The following SLN variants were observed in gnomAD, a reference collection of about 807,000 sequenced individuals.
SLN encodes sarcolipin.
For missense variants in SLN, 34 were observed against 37.4 expected (o/e 0.91, Z 0.24); for synonymous variants, 19 against 14.4 (o/e 1.32, Z -0.72).
At chr11:107,708,090 A>C in intron 1 of SLN, 85 bp from the exon 2 acceptor site, 1 of 631,172 alleles carries the variant, frequency 1.6e-6, no homozygotes, top group Non-Finnish European at 2.9e-6. Flanking sequence ...AAGGAAACAG[A>C]AGTGTTGTGG....
At chr11:107,710,090 G>T (rs1867196914) in intron 1 of SLN, among the ~76,000 whole-genome samples, 1 of 152,206 alleles carries the variant, frequency 6.6e-6, no homozygotes, top group Non-Finnish European at 1.5e-5. Context: ...GAACAGAACG[G>T]TAATGAGTCT....
chr11:107,708,077 T>A, intron 1 of SLN, 72 bp from the exon 2 acceptor site: 1 of 648,358 alleles, frequency 1.5e-6, no homozygotes, highest in Non-Finnish European at 2.8e-6. Flanking sequence ...CGTTCTTTCC[T>A]CAAAGGAAAC....
chr11:107,711,782 C>A (rs1300592952), intron 1 of SLN, among the ~76,000 whole-genome samples, 181 bp downstream of exon 1: 1 of 151,788 alleles, frequency 6.6e-6, no homozygotes, highest in Admixed American at 6.6e-5. Context: ...AAAATGCATA[C>A]CCTTAGGAGA....
chr11:107,711,455 C>T (rs1209877096), intron 1 of SLN, among the ~76,000 whole-genome samples: 1 of 152,152 alleles, frequency 6.6e-6, no homozygotes, highest in Non-Finnish European at 1.5e-5. Context: ...GTGGTGTGAA[C>T]ATTCCTTTCA....
Position 107,707,952 on chromosome 11 carries a change from A to G in SLN, c.-22T>C. 1 of 1,584,474 alleles carries G rather than the reference A, an allele frequency of 6.3e-7. No individual in the cohort carries two copies. The highest frequency in any genetic ancestry group is 2.2e-5 in the East Asian group (1 of 44,706). Reference sequence around the variant, plus strand: ...CCATTTTCACAGCGGCTTGGTGAGAACTGCAGGCAGATTTCTGAGGGCACA... The same window carrying G: ...CCATTTTCACAGCGGCTTGGTGAGAGCTGCAGGCAGATTTCTGAGGGCACA... On this transcript the variant is annotated 5_prime_UTR_variant, in exon 2 of 2. Coordinates refer to ENST00000305991, the MANE Select transcript of SLN (RefSeq NM_003063.3).
At chr11:107,709,526 C>A (rs1048586815) in intron 1 of SLN, among the ~76,000 whole-genome samples, 4 of 152,142 alleles carry the variant, frequency 2.6e-5, no homozygotes, top group Non-Finnish European at 5.9e-5. Context: ...ACTGAATGAT[C>A]ATTTTTCATA....
At chr11:107,708,101 A>G (rs1867175059) in intron 1 of SLN, 96 bp from the exon 2 acceptor site, 2 of 617,484 alleles carry the variant, frequency 3.2e-6, no homozygotes, top group South Asian at 4.0e-5. Flanking sequence ...AGTGTTGTGG[A>G]AAAGGAGAGT....
chr11:107,707,991 G>T lies in SLN; in HGVS notation c.-61C>A. 1 of 1,136,490 alleles carries T rather than the reference G, an allele frequency of 8.8e-7. No individual in the cohort carries two copies. The highest frequency in any genetic ancestry group is 1.3e-6 in the Non-Finnish European group (1 of 743,816). The allele number at this position is 1,136,490 out of a possible 1,614,324, so 70.4% of individuals were successfully genotyped here. ...TCTGAGGGCACACCAAGGACCTCTG[G>T]CTTCTCCTCACCTCCTGATAAAACA... On this transcript the variant is annotated 5_prime_UTR_variant, in exon 2 of 2. Transcript: ENST00000305991.
intron 1 of SLN, among the ~76,000 whole-genome samples, chr11:107,710,440 T>C (rs1444188021): frequency 6.6e-6 from 1 of 152,234 alleles, no homozygotes; most frequent in Non-Finnish European, 1.5e-5. Context: ...CTCAGGCAAG[T>C]GTTACTGCAG....
Position 107,707,875 on chromosome 11 carries a change from A to G in SLN, c.56T>C (p.Val19Ala). 1 of 1,613,992 alleles carries G rather than the reference A, an allele frequency of 6.2e-7. No individual in the cohort carries two copies. Among genetic ancestry groups the G allele is most frequent in the Non-Finnish European group, 8.5e-7 (1 of 1,179,966 alleles). Residue 19 changes from valine (V) to alanine (A), a missense_variant, in exon 2 of 2, where the codon GTT (valine) becomes GCT (alanine). By Grantham distance (64) the Val-to-Ala change is moderately conservative. Transcript: ENST00000305991. ...FLNFTIVLITVILMWLLVRSY... is the reference protein window; with the variant it reads ...FLNFTIVLITAILMWLLVRSY... ...CCTCACAAGGAGCCACATAAGAATA[A>G]CCGTAATCAAGACAATAGTGAAGTT...
In SLN at chr11:107,707,639, A is replaced by C. The variant is rs779072687; in HGVS notation, c.*196T>G. 2 of 510,268 alleles carry C rather than the reference A, an allele frequency of 3.9e-6. No individual in the cohort carries two copies. Among genetic ancestry groups the C allele is most frequent in the Non-Finnish European group, 7.0e-6 (2 of 287,422 alleles). 31.6% of individuals were successfully genotyped at this position (510,268 alleles called of 1,614,324 possible). ...TACCGTTCCCTGGCAAACACTTGGC[A>C]GCCCTTGGGAGCAGCATCTTTGGAG... On this transcript the variant is annotated 3_prime_UTR_variant, in exon 2 of 2. Transcript: ENST00000305991.
Position 107,707,917 on chromosome 11 carries a change from G to C in SLN, c.14C>G (p.Thr5Ser). The C allele has an allele frequency of 6.2e-7, 1 of 1,613,780 alleles. No individual in the cohort carries two copies. The highest frequency in any genetic ancestry group is 8.5e-7 in the Non-Finnish European group (1 of 1,179,776). The change falls in exon 2 of 2, where the codon ACC becomes AGC. Residue 5 changes from threonine to serine, a missense_variant. Physicochemically the swap from Thr to Ser is moderately conservative, Grantham distance 58 (BLOSUM62 1). Coordinates refer to ENST00000305991, the MANE Select transcript of SLN (RefSeq NM_003063.3). The stretch of plus-strand genomic sequence containing the variant: ...AGTGAAGTTGAGAAACAGCTCCCGG[G>C]TGTTTATCCCCATTTTCACAGCGGC... Reference protein sequence around the residue: MGINTRELFLNFTIV... With the variant: MGINSRELFLNFTIV...
At chr11:107,711,761 T>C (rs1867213333) in intron 1 of SLN, among the ~76,000 whole-genome samples, 1 of 151,748 alleles carries the variant, frequency 6.6e-6, no homozygotes, top group African/African-American at 2.4e-5. Flanking sequence ...TTTTTTTTAC[T>C]AGGAAGGGAG....
intron 1 of SLN, among the ~76,000 whole-genome samples, chr11:107,710,932 G>T (rs1456216190): frequency 6.6e-6 from 1 of 152,092 alleles, no homozygotes; most frequent in Non-Finnish European, 1.5e-5. Flanking sequence ...CAGAAAATGG[G>T]TAGATCTCAC....
In SLN at chr11:107,708,900, G is replaced by A. The variant is rs140469551; in HGVS notation, c.-75-895C>T. Among the ~76,000 whole-genome samples the A allele has an allele frequency of 6.1e-4, 93 of 152,192 alleles. 7 individuals carry two copies. The East Asian group carries it at 8.1e-3, about 13-fold the overall frequency. On this transcript the variant is annotated intron_variant, in intron 1 of 1. Transcript: ENST00000305991. ...GCTGTAGGTCTTCATCTAACTCTACGGAAAGCAGAAAGTACTTTCAACAGC... is the reference window on the plus strand; with the variant it reads ...GCTGTAGGTCTTCATCTAACTCTACAGAAAGCAGAAAGTACTTTCAACAGC...
chr11:107,708,733 T>G (rs1361668722), intron 1 of SLN, among the ~76,000 whole-genome samples: 1 of 152,158 alleles, frequency 6.6e-6, no homozygotes, highest in Non-Finnish European at 1.5e-5. Flanking sequence ...TGTGTTTGCG[T>G]GTGTGCGTAT....
chr11:107,710,183 C>A (rs1312679848), intron 1 of SLN, among the ~76,000 whole-genome samples: 1 of 152,152 alleles, frequency 6.6e-6, no homozygotes, highest in Non-Finnish European at 1.5e-5. Context: ...AAACCATAGT[C>A]CAAATGTCCA....
chr11:107,707,660 T>G lies in SLN; in HGVS notation c.*175A>C, dbSNP rs751192913. 9.5e-5 allele frequency: 50 copies of G among 528,506 alleles called. No individual in the cohort carries two copies. The highest frequency in any genetic ancestry group is 1.5e-4 in the Non-Finnish European group (45 of 297,260). The allele number at this position is 528,506 out of a possible 1,614,324, so 32.7% of individuals were successfully genotyped here. On this transcript the variant is annotated 3_prime_UTR_variant, in exon 2 of 2. Coordinates refer to ENST00000305991, the MANE Select transcript of SLN (RefSeq NM_003063.3). ...TGGCAGCCCTTGGGAGCAGCATCTT[T>G]GGAGAACACATAATCAATCCTAGCA...
chr11:107,710,159 T>C (rs1378691099), intron 1 of SLN, among the ~76,000 whole-genome samples: 4 of 152,210 alleles, frequency 2.6e-5, no homozygotes, highest in African/African-American at 9.6e-5. Flanking sequence ...TCTTATAAAC[T>C]TATCAATGAA....
Sources: gnomAD v4.1 joint callset for allele counts (sites outside exome capture counted in the v4.1 genomes callset) on GRCh38, gnomAD v4.1.1 for gene constraint, MANE v1.5 for transcripts, NCBI Gene and HGNC (gene_info 2026-07-23, HGNC 2026-07-21) for gene names.